The following ATP9B variants were observed in gnomAD, a reference collection of about 807,000 sequenced individuals.
ATP9B encodes the protein probable phospholipid-transporting ATPase IIB.
In ATP9B, 110 loss-of-function variants were observed where a neutral mutation model predicts 146.1. The ratio of observed to expected loss-of-function variants is 0.75; its 90% CI spans 0.65 to 0.88. The LOEUF (loss-of-function observed/expected upper bound fraction) is 0.88. ATP9B is among the 40% of genes least tolerant of loss of function. ATP9B has a pLI of 0.00. For synonymous variants in ATP9B, 604 were observed against 569.7 expected, an observed-to-expected ratio of 1.06 and a Z score of -0.86; for missense variants, 1,499 against 1,496.4, an observed-to-expected ratio of 1.00 and a Z score of -0.03.
At chr18:79,285,277 C>T (rs2096425526) in intron 13 of ATP9B, among the ~76,000 whole-genome samples, 1 of 151,944 alleles carries the variant, frequency 6.6e-6, no homozygotes, top group South Asian at 2.1e-4. Flanking sequence ...TCCTCTCCAG[C>T]ACCTGTTGTT....
intron 8 of ATP9B, among the ~76,000 whole-genome samples, chr18:79,191,392 A>G (rs1171228750): frequency 6.6e-6 from 1 of 151,982 alleles, no homozygotes; most frequent in Non-Finnish European, 1.5e-5. Context: ...TTTAGTCATT[A>G]TTTCTTCAAG....
At chr18:79,147,886 G>A (rs756427654) in intron 6 of ATP9B, among the ~76,000 whole-genome samples, 30 of 152,018 alleles carry the variant, frequency 2.0e-4, no homozygotes, top group Non-Finnish European at 3.2e-4. Flanking sequence ...TACAAAAGCT[G>A]GTTCTTCTAA....
At chr18:79,125,626 T>A (rs2094271880) in intron 4 of ATP9B, among the ~76,000 whole-genome samples, 1 of 152,204 alleles carries the variant, frequency 6.6e-6, no homozygotes, top group Admixed American at 6.5e-5. Context: ...ATATGCAGCC[T>A]TTAAAAATGA....
At chr18:79,152,222 GGT>G (rs2094701440) in intron 6 of ATP9B, among the ~76,000 whole-genome samples, 1 of 152,204 alleles carries the variant, frequency 6.6e-6, no homozygotes, top group South Asian at 2.1e-4. Context: ...TTACACTGTT[GGT>G]GGGAGTGTAA....
intron 11 of ATP9B, among the ~76,000 whole-genome samples, chr18:79,232,881 C>T (rs183726933): frequency 6.6e-6 from 1 of 151,998 alleles, no homozygotes; most frequent in Non-Finnish European, 1.5e-5. Flanking sequence ...GGCCAAGGAG[C>T]GAATCAGTGA....
At chr18:79,084,227 T>G (rs1252230731) in intron 1 of ATP9B, among the ~76,000 whole-genome samples, 1 of 152,022 alleles carries the variant, frequency 6.6e-6, no homozygotes, top group African/African-American at 2.4e-5. Context: ...ATGTTCATCA[T>G]GTCCAAAAGA....
intron 11 of ATP9B, among the ~76,000 whole-genome samples, chr18:79,248,196 A>T (rs2095987845): frequency 6.6e-6 from 1 of 152,192 alleles, no homozygotes; most frequent in African/African-American, 2.4e-5. Context: ...TCCAAAAAAG[A>T]ATAATAAACT....
rs2096883016 is a variant in ATP9B, at chr18:79,345,828, A to T, written c.2671A>T (p.Ile891Phe). 6.2e-7 allele frequency: 1 copy of T among 1,614,248 alleles called. No individual in the cohort carries two copies. Among genetic ancestry groups the T allele is most frequent in the Admixed American group, 1.7e-5 (1 of 60,028 alleles). The change falls in exon 23 of 30, where the codon ATT becomes TTT. Residue 891 changes from isoleucine (I) to phenylalanine (F), a missense_variant. Physicochemically the swap from Ile to Phe is conservative, Grantham distance 21 (BLOSUM62 0). Coordinates refer to ENST00000426216, the MANE Select transcript of ATP9B (RefSeq NM_198531.5). ...TCAGGCAGCAGACTGTGGGATTGGG[A>T]TTGAGGGAAAGGTAGGTTCGCCCTT... ...MIQAADCGIG[I>F]EGKEGKQASL...
intron 2 of ATP9B, among the ~76,000 whole-genome samples, chr18:79,097,637 T>G (rs1280043588): frequency 6.8e-6 from 1 of 147,906 alleles, no homozygotes; most frequent in Non-Finnish European, 1.5e-5. Flanking sequence ...TTGGTTTTTT[T>G]GTTCTTGCGA....
At chr18:79,350,879 C>T (rs1206435852) in intron 25 of ATP9B, among the ~76,000 whole-genome samples, 2 of 151,746 alleles carry the variant, frequency 1.3e-5, no homozygotes, top group African/African-American at 4.8e-5. Flanking sequence ...AGTGATTCTC[C>T]TCCCTCAGCC....
intron 6 of ATP9B, 66 bp downstream of exon 6, chr18:79,143,926 A>C (rs1216769087): frequency 1.8e-5 from 17 of 965,344 alleles, no homozygotes; most frequent in Non-Finnish European, 2.1e-5. Context: ...CCTGATTATA[A>C]GTAACTTCTG....
At chr18:79,236,996 GC>G (rs1451387634) in intron 11 of ATP9B, among the ~76,000 whole-genome samples, 1 of 78,588 alleles carries the variant, frequency 1.3e-5, no homozygotes. Flanking sequence ...GTCCACACCT[GC>G]CCCTTCCCCA....
At chr18:79,072,950 C>T (rs545086470) in intron 1 of ATP9B, among the ~76,000 whole-genome samples, 1 of 149,920 alleles carries the variant, frequency 6.7e-6, no homozygotes, top group Admixed American at 6.6e-5. Context: ...ACATCCCAGA[C>T]GATGGGCGGC....
intron 5 of ATP9B, among the ~76,000 whole-genome samples, chr18:79,127,324 G>A (rs2094303409): frequency 1.3e-5 from 2 of 152,178 alleles, no homozygotes; most frequent in Middle Eastern, 3.4e-3. Context: ...CTCAGAAGGA[G>A]CCCTGAATAC....
At chr18:79,072,519 A>G (rs945635758) in intron 1 of ATP9B, among the ~76,000 whole-genome samples, 2 of 152,376 alleles carry the variant, frequency 1.3e-5, no homozygotes, top group Admixed American at 1.3e-4. Context: ...TTCTTAGTAC[A>G]GAACAAAATG....
At chr18:79,340,544 T>C (rs1299142017) in intron 19 of ATP9B, 2 of 152,196 alleles carry the variant, frequency 1.3e-5, no homozygotes, top group Admixed American at 6.5e-5. Context: ...ATCAGTACAC[T>C]GTAGAAGTTT....
chr18:79,083,494 G>A (rs997407648), intron 1 of ATP9B, among the ~76,000 whole-genome samples: 3 of 152,136 alleles, frequency 2.0e-5, no homozygotes, highest in East Asian at 1.9e-4. Flanking sequence ...CTGCCCAAAC[G>A]GCCACCTAGC....
intron 11 of ATP9B, among the ~76,000 whole-genome samples, chr18:79,218,783 C>T (rs1297808536): frequency 6.6e-6 from 1 of 152,184 alleles, no homozygotes; most frequent in African/African-American, 2.4e-5. Flanking sequence ...TAAGGCTTTG[C>T]GAGCGAGTGA....
chr18:79,167,409 C>T (rs1367369462), intron 7 of ATP9B, among the ~76,000 whole-genome samples: 1 of 152,130 alleles, frequency 6.6e-6, no homozygotes, highest in Non-Finnish European at 1.5e-5. Context: ...TTGCAGCTCT[C>T]AGTGGAGAGG....
Sources: allele counts gnomAD v4.1 joint callset (sites outside exome capture counted in the v4.1 genomes callset), GRCh38; gene constraint gnomAD v4.1.1; transcripts MANE v1.5; gene names NCBI Gene and HGNC (gene_info 2026-07-23, HGNC 2026-07-21).